The following PRDM5 variants were observed in gnomAD, a reference collection of about 807,000 sequenced individuals.
PRDM5 encodes PR domain zinc finger protein 5.
PRDM5 carries 56 observed loss-of-function variants against 81.2 expected under a neutral mutation model. That is an observed-to-expected ratio of 0.69 (90% CI 0.56 to 0.86). The LOEUF is 0.86. Among genes scored for constraint, PRDM5 ranks in the 40% least tolerant of loss-of-function variants. The pLI is 0.00. For missense variants in PRDM5, 697 were observed against 770.1 expected (o/e 0.91, Z 1.12); for synonymous variants, 267 against 256.4 (o/e 1.04, Z -0.39).
chr4:120,838,945 G>T (rs925295858), intron 3 of PRDM5: 9 of 485,304 alleles, frequency 1.9e-5, no homozygotes, highest in Non-Finnish European at 3.0e-5. Context: ...TATGCCGGCT[G>T]CTGCAGAAGG....
chr4:120,860,278 C>T (rs1446231227), intron 2 of PRDM5, among the ~76,000 whole-genome samples: 1 of 152,188 alleles, frequency 6.6e-6, no homozygotes, highest in Admixed American at 6.6e-5. Context: ...CTTTAACTCT[C>T]ATTGCCTTTA....
At chr4:120,750,687 T>TACAC (rs56024428) in intron 14 of PRDM5, among the ~76,000 whole-genome samples, 4,895 of 147,554 alleles carry the variant, frequency 0.033, 91 homozygotes, top group East Asian at 0.043. Context: ...TAGTTTCTTT[T>TACAC]ACACACACAC....
In PRDM5 at chr4:120,834,604, G is replaced by A. The variant is rs145686905; in HGVS notation, c.301-13259C>T. Among the ~76,000 whole-genome samples, 39 of 152,292 alleles carry A rather than the reference G, an allele frequency of 2.6e-4. No individual in the cohort carries two copies. The East Asian group carries it at 6.0e-3, about 23-fold the overall frequency. ...GACAATGTGTCAACTTGACTAGGAC[G>A]TGGAGTGTCCAGATATTTGGTCAAA... On this transcript the variant is annotated intron_variant, in intron 3 of 15. Coordinates refer to ENST00000264808, the MANE Select transcript of PRDM5 (RefSeq NM_018699.4).
At chr4:120,758,196 C>T (rs2149167195) in intron 13 of PRDM5, among the ~76,000 whole-genome samples, 1 of 152,218 alleles carries the variant, frequency 6.6e-6, no homozygotes. Context: ...AAGCCAATTC[C>T]CATAATCAAG....
At chr4:120,879,683 G>C in intron 2 of PRDM5, among the ~76,000 whole-genome samples, 1 of 152,074 alleles carries the variant, frequency 6.6e-6, no homozygotes. Context: ...TTAAGCTTCT[G>C]GTCAACAGTA....
chr4:120,736,051 A>ATT (rs11406026), intron 14 of PRDM5, among the ~76,000 whole-genome samples: 8 of 151,708 alleles, frequency 5.3e-5, no homozygotes, highest in African/African-American at 7.3e-5. Context: ...CTGTATGTCC[A>ATT]TTTTTTTAGC....
chr4:120,778,621 C>G (rs1240826299), intron 12 of PRDM5, among the ~76,000 whole-genome samples: 1 of 152,106 alleles, frequency 6.6e-6, no homozygotes, highest in Non-Finnish European at 1.5e-5. Flanking sequence ...AGACCTTAGT[C>G]AGTATCAGTG....
At chr4:120,865,991 G>C (rs898995828) in intron 2 of PRDM5, among the ~76,000 whole-genome samples, 3 of 151,956 alleles carry the variant, frequency 2.0e-5, no homozygotes, top group Non-Finnish European at 4.4e-5. Context: ...AATAACAATA[G>C]CATTTTTGTA....
chr4:120,745,766 C>T (rs1328261363), intron 14 of PRDM5, among the ~76,000 whole-genome samples: 2 of 144,884 alleles, frequency 1.4e-5, no homozygotes, highest in African/African-American at 2.7e-5. Context: ...CAAACCGCTG[C>T]TCAAGGAAAT....
At chr4:120,711,971 A>G (rs1345351623) in intron 14 of PRDM5, among the ~76,000 whole-genome samples, 2 of 152,154 alleles carry the variant, frequency 1.3e-5, no homozygotes, top group African/African-American at 4.8e-5. Flanking sequence ...TTAATCAAAT[A>G]TATCTTCAAA....
chr4:120,886,680 T>A (rs2148606798), intron 2 of PRDM5, among the ~76,000 whole-genome samples: 1 of 152,308 alleles, frequency 6.6e-6, no homozygotes, highest in Admixed American at 6.5e-5. Context: ...TCAATATGAA[T>A]GATTTGTTGA....
At chr4:120,779,837 A>G (rs909176268) in intron 12 of PRDM5, among the ~76,000 whole-genome samples, 1 of 152,078 alleles carries the variant, frequency 6.6e-6, no homozygotes, top group Non-Finnish European at 1.5e-5. Context: ...CAGGAGGCAC[A>G]GGTTGTGGAG....
chr4:120,758,496 C>A (rs958711964), intron 13 of PRDM5, among the ~76,000 whole-genome samples: 7 of 152,056 alleles, frequency 4.6e-5, no homozygotes, highest in Non-Finnish European at 1.0e-4. Flanking sequence ...AAAAAGATGG[C>A]CTTGTGAAGA....
intron 8 of PRDM5, among the ~76,000 whole-genome samples, chr4:120,805,824 T>G (rs2149306983): frequency 6.6e-6 from 1 of 152,228 alleles, no homozygotes; most frequent in East Asian, 1.9e-4. Context: ...CCACTCCTAT[T>G]CAACATAGTG....
chr4:120,799,659 A>G lies in PRDM5; in HGVS notation c.1030+2T>C, dbSNP rs1267028551. 1 of 1,612,142 alleles carries G rather than the reference A, an allele frequency of 6.2e-7. No homozygotes were observed. Among genetic ancestry groups the G allele is most frequent in the East Asian group, 2.2e-5 (1 of 44,786 alleles). ...TATAAACAAAAAAAGTATATAGTTT[A>G]CCTGAGTGGGTGATCATATGACGTT... On this transcript the variant is annotated splice_donor_variant, in intron 9 of 15. Coordinates refer to ENST00000264808, the MANE Select transcript of PRDM5 (RefSeq NM_018699.4). LOFTEE classifies it high-confidence loss of function.
At chr4:120,717,034 T>C (rs1016171794) in intron 14 of PRDM5, among the ~76,000 whole-genome samples, 8 of 149,360 alleles carry the variant, frequency 5.4e-5, no homozygotes, top group Non-Finnish European at 1.2e-4. Context: ...CACTGACTTC[T>C]GTTCCTGCTC....
intron 10 of PRDM5, among the ~76,000 whole-genome samples, chr4:120,788,805 T>A (rs981777024): frequency 1.3e-5 from 2 of 152,220 alleles, no homozygotes; most frequent in Non-Finnish European, 2.9e-5. Flanking sequence ...AATAAATACT[T>A]TTGTCAAGAA....
At chr4:120,783,576 G>C (rs751047323) in intron 11 of PRDM5, among the ~76,000 whole-genome samples, 1 of 152,024 alleles carries the variant, frequency 6.6e-6, no homozygotes, top group Non-Finnish European at 1.5e-5. Context: ...TATGAATGAG[G>C]TTTACTTGTC....
intron 3 of PRDM5, among the ~76,000 whole-genome samples, chr4:120,829,884 C>T (rs78490688): frequency 0.1 from 15,395 of 151,954 alleles, 1,006 homozygotes; most frequent in East Asian, 0.22. Context: ...CTCTGGACTG[C>T]TATCCAATAA....
Sources: allele counts gnomAD v4.1 joint callset (sites outside exome capture counted in the v4.1 genomes callset), GRCh38; gene constraint gnomAD v4.1.1; transcripts MANE v1.5; gene names NCBI Gene and HGNC (gene_info 2026-07-23, HGNC 2026-07-21).